Variants in SBNO1 observed in about 807,000 individuals in gnomAD.
SBNO1 encodes protein strawberry notch homolog 1.
In SBNO1, 23 loss-of-function variants were observed where a neutral mutation model predicts 173.6. The ratio of observed to expected loss-of-function variants is 0.13; its 90% CI spans 0.10 to 0.19. SBNO1 has a LOEUF of 0.19. Among genes scored for constraint, SBNO1 ranks in the 10% least tolerant of loss-of-function variants. SBNO1 has a pLI of 1.00. For missense variants in SBNO1, 1,238 were observed against 1,671.2 expected (o/e 0.74, Z 4.52); for synonymous variants, 632 against 571.5 (o/e 1.11, Z -1.51).
rs11057288 is a variant in SBNO1, at chr12:123,359,276, G to A, written c.-1+5425C>T. Among the ~76,000 whole-genome samples the A allele has an allele frequency of 3.1e-4, 47 of 151,364 alleles. No homozygotes were observed. In the East Asian group the frequency reaches 5.3e-3, roughly 17 times the overall value. ...AAATAGCTCAGTATAGGCTGAGTGC[G>A]GTGGCTCACTCCTGTAATCCCAGCA... On this transcript the variant is annotated intron_variant, in intron 1 of 31. Transcript: ENST00000602398.
intron 25 of SBNO1, 111 bp from the exon 26 acceptor site, chr12:123,309,967 T>C (rs1386771061): frequency 1.3e-6 from 1 of 794,366 alleles, no homozygotes; most frequent in African/African-American, 1.7e-5. Flanking sequence ...CCTTCTTAAC[T>C]CTTACACTGT....
At chr12:123,336,544 G>GCCAA (rs1165685816) in intron 5 of SBNO1, 53 bp from the exon 6 acceptor site, 17 of 1,141,542 alleles carry the variant, frequency 1.5e-5, no homozygotes, top group Admixed American at 1.4e-4. Flanking sequence ...CAGACGCCCA[G>GCCAA]CCAACACACA....
At chr12:123,355,001 G>C (rs1023593661) in intron 1 of SBNO1, among the ~76,000 whole-genome samples, 1 of 152,248 alleles carries the variant, frequency 6.6e-6, no homozygotes, top group East Asian at 1.9e-4. Context: ...ACCAGCCTGG[G>C]CAACAAAGGG....
rs915926182 is a variant in SBNO1, at chr12:123,309,310, T to C, written c.3630A>G (p.Gln1210=). Residue 1210 remains glutamine (Q), a splice_region_variant and synonymous_variant, in exon 28 of 32, where the codon CAA becomes CAG. Transcript: ENST00000602398. The stretch of plus-strand genomic sequence containing the variant: ...ATAGAATTTAAAGGAAAAGTCGTAC[T>C]TGCAATGACAAGTAAAAGCCATCGT... ...GPDDGFYLSL[Q]IRNNKKTAIL... is the part of the protein sequence containing the mutation. 1.2e-6 allele frequency: 2 copies of C among 1,612,294 alleles called. No individual in the cohort carries two copies.
chr12:123,318,737 CAAAA>C (rs56158087), intron 20 of SBNO1, among the ~76,000 whole-genome samples: 5 of 116,500 alleles, frequency 4.3e-5, no homozygotes, highest in Non-Finnish European at 5.1e-5. Context: ...GACTCTGTCT[CAAAA>C]AAAAAAAAAA....
chr12:123,357,787 A>G (rs947668741), intron 1 of SBNO1, among the ~76,000 whole-genome samples: 5 of 152,134 alleles, frequency 3.3e-5, no homozygotes, highest in Admixed American at 3.3e-4. Flanking sequence ...AAAGAATGCA[A>G]TCTGTACTTT....
intron 5 of SBNO1, among the ~76,000 whole-genome samples, chr12:123,340,581 C>CAAAAAAAAAAAAAAAAAA (rs752794679): frequency 2.1e-5 from 1 of 46,818 alleles, no homozygotes. Flanking sequence ...GACTCTGTCT[C>CAAAAAAAAAAAAAAAAAA]AAAAAAAAAA....
intron 3 of SBNO1, 99 bp downstream of exon 3, chr12:123,347,930 G>A: frequency 1.6e-6 from 1 of 623,446 alleles, no homozygotes; most frequent in Non-Finnish European, 2.8e-6. Context: ...GCCTCTCAAA[G>A]TGCTGAGACT....
In SBNO1 at chr12:123,327,409, TA is replaced by T; in HGVS notation, c.1692+16del. 1 of 1,601,190 alleles carries T rather than the reference TA, an allele frequency of 6.2e-7. No individual in the cohort carries two copies. The highest frequency in any genetic ancestry group is 8.5e-7 in the Non-Finnish European group (1 of 1,173,776). ...GATACATTAAATAAACACTAGGAAT[TA>T]AGAAAAATTCCTCACCAGCTTGACA... On this transcript the variant is annotated intron_variant, in intron 13 of 31. Coordinates refer to ENST00000602398, the MANE Select transcript of SBNO1 (RefSeq NM_001167856.3).
chr12:123,344,825 G>A (rs903537910), intron 4 of SBNO1, among the ~76,000 whole-genome samples: 2 of 152,050 alleles, frequency 1.3e-5, no homozygotes, highest in Non-Finnish European at 1.5e-5. Flanking sequence ...CTCCAGTCTG[G>A]GTGACAGACT....
intron 3 of SBNO1, among the ~76,000 whole-genome samples, chr12:123,346,461 G>A (rs1209018796): frequency 2.7e-5 from 4 of 150,708 alleles, no homozygotes; most frequent in African/African-American, 4.9e-5. Flanking sequence ...TCAGGAGATC[G>A]AGACCATCCT....
In SBNO1 at chr12:123,290,918, T is replaced by G. The variant is rs1374953744; in HGVS notation, c.*4990A>C. ...ACGCCTGGCTAAGTTTTTTTTTTTT[T>G]TGTATTTTTAGTAGAGACGGGGTTT... is the stretch of plus-strand genomic sequence containing the variant. On this transcript the variant is annotated 3_prime_UTR_variant, in exon 32 of 32. Transcript: ENST00000602398. The G allele has an allele frequency of 6.6e-6, 1 of 151,936 alleles. No homozygotes were observed. The highest frequency in any genetic ancestry group is 1.5e-5 in the Non-Finnish European group (1 of 68,024). The allele number at this position is 151,936 out of a possible 1,614,324, so 9.4% of individuals were successfully genotyped here.
At chr12:123,328,205 A>G (rs1242321516) in intron 10 of SBNO1, among the ~76,000 whole-genome samples, 178 bp from the exon 11 acceptor site, 1 of 152,216 alleles carries the variant, frequency 6.6e-6, no homozygotes, top group Non-Finnish European at 1.5e-5. Flanking sequence ...CTCTAGCCTC[A>G]AAGACATTCA....
At chr12:123,353,785 A>T (rs1436545194) in intron 1 of SBNO1, among the ~76,000 whole-genome samples, 1 of 152,244 alleles carries the variant, frequency 6.6e-6, no homozygotes, top group Non-Finnish European at 1.5e-5. Context: ...CTGGCTACAG[A>T]TAATCTTGAC....
chr12:123,320,448 G>A lies in SBNO1; in HGVS notation c.2651C>T (p.Pro884Leu). The A allele has an allele frequency of 1.2e-6, 2 of 1,613,344 alleles. No homozygotes were observed. Among genetic ancestry groups the A allele is most frequent in the Admixed American group, 1.7e-5 (1 of 59,874 alleles). The change falls in exon 19 of 32, where the codon CCT (proline) becomes CTT (leucine). Residue 884 changes from proline (P) to leucine (L), a missense_variant. By Grantham distance (98) the Pro-to-Leu change is moderately conservative. Around this residue, in one of 14 missense-constraint regions of SBNO1, gnomAD observed 45 missense variants for 85.5 expected, o/e 0.53. Transcript: ENST00000602398. ...LDELIDELGG[P>L]ENVAEMTGRK... ...CCTATTTACCTCAGCAACGTTCTCA[G>A]GGCCACCAAGTTCATCGATAAGTTC...
chr12:123,297,616 T>C (rs148374211), intron 31 of SBNO1, among the ~76,000 whole-genome samples: 2 of 152,132 alleles, frequency 1.3e-5, no homozygotes, highest in East Asian at 3.9e-4. Context: ...AGCCATTCTC[T>C]GTGCACAGTG....
rs867981916 is a variant in SBNO1, at chr12:123,297,219, A to G, written c.4039+759T>C. ...CACTAAAAAAATATAAAAATTAGCC[A>G]GGTGTGGTGGTGCATGCCTGTAATC... On this transcript the variant is annotated intron_variant, in intron 31 of 31. Transcript: ENST00000602398. 3.1e-4 allele frequency among the ~76,000 whole-genome samples: 46 copies of G among 147,112 alleles called. 1 individual carries two copies. Among genetic ancestry groups the G allele is most frequent in the Middle Eastern group, 3.6e-3 (1 of 280 alleles).
intron 29 of SBNO1, among the ~76,000 whole-genome samples, chr12:123,303,580 C>T (rs2048845026): frequency 6.6e-6 from 1 of 152,138 alleles, no homozygotes; most frequent in South Asian, 2.1e-4. Context: ...ACCCGGGAGG[C>T]GGAGGTTACA....
chr12:123,331,248 G>A lies in SBNO1; in HGVS notation c.1037C>T (p.Ala346Val). Reference protein sequence around the residue: ...YENYLLSRKRALWFSVSNDLK... With the variant: ...YENYLLSRKRVLWFSVSNDLK... ...CCAGTTTTTAAACACTTACCACAAT[G>A]CTCGTTTTCTACTCAACAAATAATT... The change falls in exon 8 of 32, where the codon GCA becomes GTA. Residue 346 changes from alanine (A) to valine (V), a missense_variant. Physicochemically the swap from Ala to Val is moderately conservative, Grantham distance 64. Transcript: ENST00000602398. 1.9e-6 allele frequency: 3 copies of A among 1,613,542 alleles called. No individual in the cohort carries two copies.
Sources: gnomAD v4.1 joint callset for allele counts (sites outside exome capture counted in the v4.1 genomes callset) on GRCh38, gnomAD v4.1.1 for gene constraint, gnomAD v4.1.1 regional missense constraint, MANE v1.5 for transcripts, NCBI Gene and HGNC (gene_info 2026-07-23, HGNC 2026-07-21) for gene names.